The following CTNNA2 variants were observed in gnomAD, a reference collection of about 807,000 sequenced individuals.
CTNNA2 encodes the protein catenin alpha-2.
CTNNA2 carries 42 observed loss-of-function variants against 101.0 expected under a neutral mutation model. The observed-to-expected ratio is 0.42, with a 90% confidence interval of 0.32 to 0.54. CTNNA2 has a LOEUF of 0.54. Among genes scored for constraint, CTNNA2 ranks in the 20% least tolerant of loss-of-function variants. The pLI, the probability that CTNNA2 is intolerant of heterozygous loss-of-function variation, is 0.14. For synonymous variants in CTNNA2, 450 were observed against 456.4 expected (o/e 0.99, Z 0.18); for missense variants, 871 against 1,223.1 (o/e 0.71, Z 4.29).
chr2:80,309,301 T>C (rs1001106841), intron 7 of CTNNA2, among the ~76,000 whole-genome samples: 5 of 152,198 alleles, frequency 3.3e-5, no homozygotes, highest in Admixed American at 2.0e-4. Flanking sequence ...TCAAGGTTGA[T>C]GGCAAATCTC....
intron 3 of CTNNA2, among the ~76,000 whole-genome samples, chr2:79,366,191 G>T (rs1240409415): frequency 6.6e-6 from 1 of 152,174 alleles, no homozygotes; most frequent in Non-Finnish European, 1.5e-5. Context: ...CAAACATTTA[G>T]CTTACCTAAG....
intron 4 of CTNNA2, among the ~76,000 whole-genome samples, chr2:79,387,770 A>G (rs1164835109): frequency 6.6e-6 from 1 of 152,176 alleles, no homozygotes; most frequent in Non-Finnish European, 1.5e-5. Context: ...CAGTGGGCTC[A>G]CTGACATTAA....
intron 7 of CTNNA2, among the ~76,000 whole-genome samples, chr2:80,221,188 C>T (rs1442815010): frequency 1.3e-5 from 2 of 152,142 alleles, no homozygotes; most frequent in South Asian, 2.1e-4. Context: ...CAGCCCTTCC[C>T]GTTTTTATTA....
At chr2:80,141,032 T>TA (rs1044674271) in intron 7 of CTNNA2, among the ~76,000 whole-genome samples, 1 of 152,120 alleles carries the variant, frequency 6.6e-6, no homozygotes, top group African/African-American at 2.4e-5. Context: ...CCCTCCTTTT[T>TA]AAAAATGTAT....
At chr2:79,835,852 C>T (rs1012659463) in intron 3 of CTNNA2, among the ~76,000 whole-genome samples, 7 of 151,714 alleles carry the variant, frequency 4.6e-5, no homozygotes, top group Admixed American at 6.6e-5. Context: ...AGGATGGTCT[C>T]AATCTCTTGA....
At chr2:79,749,842 A>G (rs1671891756) in intron 3 of CTNNA2, among the ~76,000 whole-genome samples, 1 of 152,224 alleles carries the variant, frequency 6.6e-6, no homozygotes, top group Non-Finnish European at 1.5e-5. Flanking sequence ...TAAATGTTCT[A>G]TAGATGTCAG....
intron 9 of CTNNA2, among the ~76,000 whole-genome samples, chr2:80,434,516 G>A (rs1276549597): frequency 7.1e-6 from 1 of 139,900 alleles, no homozygotes; most frequent in African/African-American, 2.7e-5. Context: ...TTTGAGCCAG[G>A]GTTTCACCCT....
intron 1 of CTNNA2, among the ~76,000 whole-genome samples, chr2:79,525,863 T>A (rs2103900431): frequency 6.6e-6 from 1 of 152,124 alleles, no homozygotes; most frequent in South Asian, 2.1e-4. Context: ...ACTAATATGA[T>A]AAGTTTCAAT....
At chr2:80,133,398 G>GAAACAAAC in intron 7 of CTNNA2, among the ~76,000 whole-genome samples, 1 of 152,014 alleles carries the variant, frequency 6.6e-6, no homozygotes, top group East Asian at 1.9e-4. Flanking sequence ...TCAGCCCTGT[G>GAAACAAAC]AAACAAACAA....
intron 3 of CTNNA2, among the ~76,000 whole-genome samples, chr2:79,783,507 A>T (rs1674611169): frequency 1.3e-5 from 2 of 151,966 alleles, no homozygotes; most frequent in Non-Finnish European, 1.5e-5. Context: ...ATACTTGGAA[A>T]CTCATCACAC....
intron 6 of CTNNA2, among the ~76,000 whole-genome samples, chr2:79,874,756 C>G (rs1018889363): frequency 6.6e-6 from 1 of 152,078 alleles, no homozygotes; most frequent in African/African-American, 2.4e-5. Flanking sequence ...TGCGGTGAGC[C>G]GAGATCGTGC....
intron 7 of CTNNA2, among the ~76,000 whole-genome samples, chr2:80,136,013 C>T (rs1702674278): frequency 6.6e-6 from 1 of 152,140 alleles, no homozygotes; most frequent in Admixed American, 6.5e-5. Flanking sequence ...CCAAATATTT[C>T]CTGCCTTAGT....
intron 9 of CTNNA2, among the ~76,000 whole-genome samples, chr2:80,440,751 C>T (rs111859642): frequency 2.6e-5 from 4 of 152,194 alleles, no homozygotes; most frequent in African/African-American, 9.7e-5. Flanking sequence ...TTTGACATCT[C>T]TTAGGGGGAT....
intron 7 of CTNNA2, among the ~76,000 whole-genome samples, chr2:80,009,907 C>T (rs751228487): frequency 6.6e-5 from 10 of 152,014 alleles, no homozygotes; most frequent in South Asian, 4.1e-4. Context: ...GGAAACAGAC[C>T]GTCCTAGGTT....
chr2:80,249,964 T>C (rs1393858480), intron 7 of CTNNA2, among the ~76,000 whole-genome samples: 2 of 152,194 alleles, frequency 1.3e-5, no homozygotes, highest in African/African-American at 4.8e-5. Context: ...TGAAGCAATT[T>C]GCAACTTACA....
At chr2:80,182,325 C>A (rs1705836439) in intron 7 of CTNNA2, among the ~76,000 whole-genome samples, 1 of 152,202 alleles carries the variant, frequency 6.6e-6, no homozygotes, top group Non-Finnish European at 1.5e-5. Flanking sequence ...CCAGAAGACT[C>A]AGTCAGTCTA....
chr2:79,645,989 T>C (rs1406902969), intron 1 of CTNNA2, among the ~76,000 whole-genome samples: 2 of 152,122 alleles, frequency 1.3e-5, no homozygotes, highest in Non-Finnish European at 2.9e-5. Context: ...GTGCCCAGTA[T>C]TGGTGAAGAA....
intron 9 of CTNNA2, among the ~76,000 whole-genome samples, chr2:80,439,320 C>T (rs967223191): frequency 1.3e-5 from 2 of 152,092 alleles, no homozygotes; most frequent in Non-Finnish European, 2.9e-5. Context: ...AAAAAGTTGG[C>T]GGTTATATGA....
intron 9 of CTNNA2, among the ~76,000 whole-genome samples, chr2:80,439,858 A>G (rs1365832086): frequency 6.6e-6 from 1 of 152,250 alleles, no homozygotes; most frequent in Admixed American, 6.5e-5. Flanking sequence ...GGTAACAGAC[A>G]TGAGTCTAGA....
Sources: gnomAD v4.1 joint callset for allele counts (sites outside exome capture counted in the v4.1 genomes callset) on GRCh38, gnomAD v4.1.1 for gene constraint, MANE v1.5 for transcripts, NCBI Gene and HGNC (gene_info 2026-07-23, HGNC 2026-07-21) for gene names.